Variants in ST7L observed in about 807,000 individuals in gnomAD.
The protein encoded by ST7L is suppressor of tumorigenicity 7 protein-like.
ST7L carries 57 observed loss-of-function variants against 72.5 expected under a neutral mutation model. That is an observed-to-expected ratio of 0.79 (90% CI 0.64 to 0.98). ST7L has a LOEUF of 0.98. Among genes scored for constraint, ST7L ranks in the 50% least tolerant of loss-of-function variants. The pLI is 0.00. For missense variants in ST7L, 576 were observed against 672.2 expected, an observed-to-expected ratio of 0.86 and a Z score of 1.58; for synonymous variants, 221 against 240.9, an observed-to-expected ratio of 0.92 and a Z score of 0.77.
chr1:112,566,047 C>A (rs1363583836), intron 11 of ST7L, among the ~76,000 whole-genome samples: 1 of 151,606 alleles, frequency 6.6e-6, no homozygotes, highest in Non-Finnish European at 1.5e-5. Flanking sequence ...AAAGTGACAA[C>A]CACCATGATA....
chr1:112,519,199 A>AAAC (rs1165063434), downstream of ST7L, among the ~76,000 whole-genome samples: 7 of 152,228 alleles, frequency 4.6e-5, no homozygotes, highest in African/African-American at 1.2e-4. Flanking sequence ...CCTATCATTA[A>AAAC]AACAATTTGA....
intron 8 of ST7L, 49 bp from the exon 9 acceptor site, chr1:112,582,155 A>C (rs368995223): frequency 1.5e-6 from 2 of 1,362,166 alleles, no homozygotes; most frequent in Non-Finnish European, 2.1e-6. Context: ...AAAGGAACTC[A>C]ATAGAGCTGA....
In ST7L at chr1:112,547,593, CAG is replaced by C. The variant is rs1284481649; in HGVS notation, c.1489+3006_1489+3007del. On this transcript the variant is annotated intron_variant, in intron 13 of 14. Coordinates refer to ENST00000358039, the MANE Select transcript of ST7L (RefSeq NM_017744.5). ...TTTTTTTTTTTTTTTTTTTTGGAGA[CAG>C]AGTCTTACTCTGTTGCCCAGGCTGG... 1.8e-4 allele frequency among the ~76,000 whole-genome samples: 15 copies of C among 84,688 alleles called. No individual in the cohort carries two copies. The East Asian group carries it at 3.4e-3, about 19-fold the overall frequency. 55.6% of individuals were successfully genotyped at this position (84,688 alleles called of 152,430 possible). A position where few individuals can be genotyped will look rare whatever the true frequency, so the allele number is the denominator to read the frequency against.
chr1:112,579,399 A>T (rs1663735721), intron 9 of ST7L, among the ~76,000 whole-genome samples: 1 of 147,882 alleles, frequency 6.8e-6, no homozygotes, highest in Middle Eastern at 3.4e-3. Flanking sequence ...AAAAAAAAAA[A>T]ACAATAAAAA....
chr1:112,610,197 G>A (rs1447702918), intron 3 of ST7L, among the ~76,000 whole-genome samples: 1 of 152,122 alleles, frequency 6.6e-6, no homozygotes, highest in Non-Finnish European at 1.5e-5. Flanking sequence ...GGAGTAGAGG[G>A]AAGTAGTGAC....
intron 9 of ST7L, among the ~76,000 whole-genome samples, chr1:112,580,876 C>T (rs1186671401): frequency 2.6e-5 from 4 of 152,104 alleles, no homozygotes; most frequent in Non-Finnish European, 5.9e-5. Context: ...TGCAGTGAGC[C>T]GAGATTGCAC....
chr1:112,602,713 C>CTTT lies in ST7L; in HGVS notation c.452-1868_452-1866dup, dbSNP rs35617753. On this transcript the variant is annotated intron_variant, in intron 3 of 14. Coordinates refer to ENST00000358039, the MANE Select transcript of ST7L (RefSeq NM_017744.5). The stretch of plus-strand genomic sequence containing the variant: ...TGGGTACCTGGCAGACATTTTCTTT[C>CTTT]TTTTTTTTTTTTTTTTTTTTGAGAC... Among the ~76,000 whole-genome samples the CTTT allele has an allele frequency of 9.5e-4, 114 of 120,498 alleles. 2 individuals carry two copies. The highest frequency in any genetic ancestry group is 2.5e-3 in the African/African-American group (78 of 31,174). The allele number at this position is 120,498 out of a possible 152,430, so 79.1% of individuals were successfully genotyped here. A position where few individuals can be genotyped will look rare whatever the true frequency, so the allele number is the denominator to read the frequency against.
intron 12 of ST7L, 151 bp downstream of exon 12, chr1:112,555,717 T>C (rs1399122456): frequency 1.6e-6 from 1 of 620,972 alleles, no homozygotes; most frequent in Non-Finnish European, 2.5e-6. Flanking sequence ...TTTCTACCAA[T>C]AAACCAAATA....
chr1:112,520,139 T>G (rs112227982), downstream of ST7L: 9,794 of 760,670 alleles, frequency 0.013, 705 homozygotes, highest in African/African-American at 0.15. Flanking sequence ...TCCAAAATGC[T>G]GGGATGATAG....
At chr1:112,601,331 C>T (rs1000258703) in intron 3 of ST7L, among the ~76,000 whole-genome samples, 9 of 152,130 alleles carry the variant, frequency 5.9e-5, no homozygotes, top group African/African-American at 2.2e-4. Flanking sequence ...CTGCAAGCTC[C>T]ATCTCCCGGG....
intron 12 of ST7L, among the ~76,000 whole-genome samples, chr1:112,554,915 G>A (rs1007987436): frequency 6.6e-6 from 1 of 152,116 alleles, no homozygotes; most frequent in South Asian, 2.1e-4. Context: ...ACTTATATGA[G>A]GTACCTAGAG....
At chr1:112,586,492 AAACCGACTGAAATATTTTAAAAT>A (rs1664884592) in intron 6 of ST7L, among the ~76,000 whole-genome samples, 1 of 152,174 alleles carries the variant, frequency 6.6e-6, no homozygotes, top group Non-Finnish European at 1.5e-5. Context: ...GCCATTCCAA[AAACCGACTGAAATATTTTAAAAT>A]AACCATAATA....
At chr1:112,588,731 G>A (rs1378197684) in intron 6 of ST7L, among the ~76,000 whole-genome samples, 1 of 152,148 alleles carries the variant, frequency 6.6e-6, no homozygotes, top group East Asian at 1.9e-4. Flanking sequence ...TTGCATCCAT[G>A]AATAAATGCC....
At chr1:112,542,214 CT>C in intron 13 of ST7L, 124 bp from the exon 14 acceptor site, 1 of 970,328 alleles carries the variant, frequency 1.0e-6, no homozygotes, top group Non-Finnish European at 1.5e-6. Context: ...AGGAAAGTCT[CT>C]GGCTAAGCAA....
At chr1:112,546,519 C>T (rs902412910) in intron 13 of ST7L, among the ~76,000 whole-genome samples, 5 of 151,338 alleles carry the variant, frequency 3.3e-5, no homozygotes, top group African/African-American at 9.7e-5. Context: ...GAAACAGAAA[C>T]GACAGAACAC....
intron 13 of ST7L, among the ~76,000 whole-genome samples, chr1:112,548,792 C>A (rs1657593069): frequency 6.6e-6 from 1 of 152,192 alleles, no homozygotes; most frequent in Non-Finnish European, 1.5e-5. Context: ...GATAAGGCAG[C>A]TGAGACACAA....
At chr1:112,553,458 T>C (rs1248429850) in intron 12 of ST7L, among the ~76,000 whole-genome samples, 1 of 152,168 alleles carries the variant, frequency 6.6e-6, no homozygotes, top group Non-Finnish European at 1.5e-5. Flanking sequence ...GGTTCCAAAA[T>C]TGGTTCAAGA....
At chr1:112,582,169 A>G in intron 8 of ST7L, 63 bp from the exon 9 acceptor site, 2 of 1,228,388 alleles carry the variant, frequency 1.6e-6, no homozygotes, top group Admixed American at 1.9e-5. Flanking sequence ...GAGCTGAGCC[A>G]GATTCATTAA....
At chr1:112,594,320 G>A (rs1666119614) in intron 5 of ST7L, among the ~76,000 whole-genome samples, 1 of 152,052 alleles carries the variant, frequency 6.6e-6, no homozygotes, top group Non-Finnish European at 1.5e-5. Context: ...CAAAGTTTGG[G>A]TTGGGGGCAA....
Sources: gnomAD v4.1 joint callset for allele counts (sites outside exome capture counted in the v4.1 genomes callset) on GRCh38, gnomAD v4.1.1 for gene constraint, MANE v1.5 for transcripts, NCBI Gene and HGNC (gene_info 2026-07-23, HGNC 2026-07-21) for gene names.